Variants in SRP72 observed in about 807,000 individuals in gnomAD.
SRP72 encodes signal recognition particle subunit SRP72.
In SRP72, 49 loss-of-function variants were observed where a neutral mutation model predicts 96.3. The ratio of observed to expected loss-of-function variants is 0.51; its 90% CI spans 0.40 to 0.65. SRP72 has a LOEUF of 0.65. Among genes scored for constraint, SRP72 ranks in the 30% least tolerant of loss-of-function variants. The pLI is 0.00. For missense variants in SRP72, 736 were observed against 793.3 expected (o/e 0.93, Z 0.87); for synonymous variants, 267 against 275.2 (o/e 0.97, Z 0.30).
intron 18 of SRP72, among the ~76,000 whole-genome samples, chr4:56,501,412 CAG>C (rs1721257615): frequency 6.6e-6 from 1 of 151,096 alleles, no homozygotes; most frequent in Non-Finnish European, 1.5e-5. Flanking sequence ...GCCTGAGGGA[CAG>C]AGCAAGACTC....
At chr4:56,475,521 CACTGTATT>C (rs1176271809) in intron 5 of SRP72, among the ~76,000 whole-genome samples, 1 of 148,520 alleles carries the variant, frequency 6.7e-6, no homozygotes, top group African/African-American at 2.5e-5. Flanking sequence ...GAAATCATAC[CACTGTATT>C]CCAGCCTGGG....
rs1206757606 is a variant in SRP72, at chr4:56,478,649, G to T, written c.825G>T (p.Lys275Asn). The change falls in exon 8 of 19, where the codon AAG becomes AAT. Residue 275 changes from lysine (K) to asparagine (N), a missense_variant and splice_region_variant. Physicochemically the swap from Lys to Asn is moderately conservative, Grantham distance 94 (BLOSUM62 0). This residue lies in a region of SRP72 where 19 missense variants were observed against 42.5 expected (regional missense o/e 0.45). Transcript: ENST00000642900. Reference sequence around the variant, plus strand: ...CAAATAACATCATTACCATTAACAAGGTATGGAGTATTTGTGCTTTCCATA... The same window carrying T: ...CAAATAACATCATTACCATTAACAATGTATGGAGTATTTGTGCTTTCCATA... Reference protein sequence around the residue: ...VIANNIITINKDQNVFDSKKK... With the variant: ...VIANNIITINNDQNVFDSKKK... 6.2e-7 allele frequency: 1 copy of T among 1,613,112 alleles called. No individual in the cohort carries two copies. Among genetic ancestry groups the T allele is most frequent in the Admixed American group, 1.7e-5 (1 of 59,928 alleles).
Position 56,469,687 on chromosome 4 carries a change from G to T in SRP72, c.144G>T (p.Leu48=), listed in dbSNP as rs112496764. ...LQINKDDVTA[L]HCKVVCLIQN... ...TCAACAAAGATGACGTAACTGCCCT[G>T]CATTGTAAAGTGGTATGCCTTATCC... Residue 48 remains leucine (L), a synonymous_variant, in exon 2 of 19, where the codon CTG becomes CTT. Coordinates refer to ENST00000642900, the MANE Select transcript of SRP72 (RefSeq NM_006947.4). The T allele has an allele frequency of 2.3e-3, 3,749 of 1,611,544 alleles. 121 individuals carry two copies. The South Asian group carries it at 0.035, about 15-fold the overall frequency.
At chr4:56,471,078 A>C (rs1719955667) in intron 2 of SRP72, among the ~76,000 whole-genome samples, 1 of 152,230 alleles carries the variant, frequency 6.6e-6, no homozygotes, top group South Asian at 2.1e-4. Flanking sequence ...CTGGGATTAC[A>C]GGCATGAGCC....
chr4:56,474,718 A>G (rs1048151812), intron 5 of SRP72, among the ~76,000 whole-genome samples: 1 of 151,614 alleles, frequency 6.6e-6, no homozygotes, highest in Non-Finnish European at 1.5e-5. Context: ...TAATTTTTGT[A>G]TGTTTAGTAG....
chr4:56,472,196 A>T (rs556608811), intron 3 of SRP72, among the ~76,000 whole-genome samples: 5 of 152,316 alleles, frequency 3.3e-5, no homozygotes, highest in African/African-American at 1.2e-4. Flanking sequence ...GTCATGATAG[A>T]TAAGAATTTA....
rs930585862 is a variant in SRP72, at chr4:56,502,469, ATATATATATATATG to A, written c.*621_*634del. The A allele has an allele frequency of 2.9e-5, 3 of 104,856 alleles. No homozygotes were observed. The highest frequency in any genetic ancestry group is 8.7e-5 in the African/African-American group (2 of 23,028). The allele number at this position is 104,856 out of a possible 1,614,324, so 6.5% of individuals were successfully genotyped here. ...AATATGGGATACTTTTCATGTTTAT[ATATATATATATATG>A]TATATATATATACATATATATATAT... On this transcript the variant is annotated 3_prime_UTR_variant, in exon 19 of 19. Coordinates refer to ENST00000642900, the MANE Select transcript of SRP72 (RefSeq NM_006947.4).
intron 5 of SRP72, 115 bp downstream of exon 5, chr4:56,474,506 T>C (rs1022540477): frequency 3.4e-6 from 3 of 882,526 alleles, no homozygotes; most frequent in Non-Finnish European, 5.2e-6. Context: ...ATTGATGCAG[T>C]GACAATTTCT....
intron 10 of SRP72, among the ~76,000 whole-genome samples, chr4:56,485,894 T>G (rs1720693572): frequency 6.6e-6 from 1 of 152,200 alleles, no homozygotes; most frequent in Non-Finnish European, 1.5e-5. Flanking sequence ...CTAGATAATA[T>G]AACAACTATA....
rs1721267434 is a variant in SRP72, at chr4:56,501,717, C to T, written c.1872C>T (p.Thr624=). The change falls in exon 19 of 19, where the codon ACC becomes ACT. Residue 624 remains threonine, a synonymous_variant. Coordinates refer to ENST00000642900, the MANE Select transcript of SRP72 (RefSeq NM_006947.4). ...DASKTVSSPP[T]SPRPGSAATV... The stretch of plus-strand genomic sequence containing the variant: ...GTAAAACTGTGAGCAGCCCACCCAC[C>T]TCCCCAAGACCTGGCAGTGCTGCAA... 1.2e-6 allele frequency: 2 copies of T among 1,614,044 alleles called. No homozygotes were observed. The highest frequency in any genetic ancestry group is 2.2e-5 in the East Asian group (1 of 44,880).
At chr4:56,489,542 G>A (rs1720835299) in intron 13 of SRP72, 59 bp downstream of exon 13, 2 of 1,093,016 alleles carry the variant, frequency 1.8e-6, no homozygotes, top group Non-Finnish European at 1.3e-6. Flanking sequence ...TAAAGATGGA[G>A]TAGTGAAAAA....
intron 2 of SRP72, among the ~76,000 whole-genome samples, chr4:56,471,470 T>A (rs1372174150): frequency 2.0e-5 from 3 of 152,240 alleles, no homozygotes; most frequent in African/African-American, 7.2e-5. Context: ...CTTAAATGTT[T>A]ATTTCAAAAG....
chr4:56,491,283 G>T (rs1720895740), intron 15 of SRP72, 148 bp from the exon 16 acceptor site: 1 of 736,388 alleles, frequency 1.4e-6, no homozygotes. Flanking sequence ...TTATTGTATA[G>T]AAGATTTAGG....
At chr4:56,476,327 G>T (rs917467137) in intron 5 of SRP72, 1 of 266,658 alleles carries the variant, frequency 3.8e-6, no homozygotes, top group Non-Finnish European at 7.0e-6. Flanking sequence ...TAACTGAAAT[G>T]CTAGTAGTGT....
At chr4:56,498,387 C>T (rs1036327630) in intron 17 of SRP72, among the ~76,000 whole-genome samples, 1 of 152,170 alleles carries the variant, frequency 6.6e-6, no homozygotes, top group Non-Finnish European at 1.5e-5. Context: ...CCCTCTCTCA[C>T]CACTCCCATT....
At chr4:56,495,318 T>A in intron 16 of SRP72, 39 bp from the exon 17 acceptor site, 1 of 1,392,486 alleles carries the variant, frequency 7.2e-7, no homozygotes, top group Non-Finnish European at 9.9e-7. Context: ...ATAAATATTT[T>A]ATCACAAAGA....
rs753326486 is a variant in SRP72 at position 56,502,728 on chromosome 4, T to C, written c.*867T>C. The stretch of plus-strand genomic sequence containing the variant: ...AGAACATGAACATTGGCTTCCTCCA[T>C]AGAGAAGAAATCAGTATCTGAGTTG... On this transcript the variant is annotated 3_prime_UTR_variant, in exon 19 of 19. Transcript: ENST00000642900. 6.6e-6 allele frequency: 1 copy of C among 151,986 alleles called. No homozygotes were observed. Among genetic ancestry groups the C allele is most frequent in the Non-Finnish European group, 1.5e-5 (1 of 67,986 alleles). The allele number at this position is 151,986 out of a possible 1,614,324, so 9.4% of individuals were successfully genotyped here.
At position 56,502,478 on chromosome 4, in the gene SRP72, TATATGTATATATATATAC is replaced by T. The variant is rs1481908289; in HGVS notation, c.*622_*639del. On this transcript the variant is annotated 3_prime_UTR_variant, in exon 19 of 19. Coordinates refer to ENST00000642900, the MANE Select transcript of SRP72 (RefSeq NM_006947.4). ...TACTTTTCATGTTTATATATATATA[TATATGTATATATATATAC>T]ATATATATATATATATAAACATGAA... The T allele has an allele frequency of 1.3e-3, 132 of 102,690 alleles. No homozygotes were observed. The highest frequency in any genetic ancestry group is 1.4e-3 in the Non-Finnish European group (77 of 54,914). 6.4% of individuals were successfully genotyped at this position (102,690 alleles called of 1,614,324 possible).
At position 56,476,674 on chromosome 4, in the gene SRP72, T is replaced by G. The variant is rs775024629; in HGVS notation, c.614T>G (p.Leu205Arg). Reference sequence around the variant, plus strand: ...TAAAACAATTTTTCTCCTGTAGATCTTTGCCGCCGTTCATTATCAGAAGAC... The same window carrying G: ...TAAAACAATTTTTCTCCTGTAGATCGTTGCCGCCGTTCATTATCAGAAGAC... ...AMKILQKAED[L>R]CRRSLSEDTD... Residue 205 changes from leucine (L) to arginine (R), a missense_variant, in exon 6 of 19, where the codon CTT becomes CGT. Physicochemically the swap from Leu to Arg is moderately radical, Grantham distance 102 (BLOSUM62 -2). This residue lies in a region of SRP72 where 329 missense variants were observed against 319.0 expected (regional missense o/e 1.03). Transcript: ENST00000642900. 1 of 1,612,522 alleles carries G rather than the reference T, an allele frequency of 6.2e-7. No homozygotes were observed. The highest frequency in any genetic ancestry group is 1.1e-5 in the South Asian group (1 of 90,940).
Sources: gnomAD v4.1 joint callset for allele counts (sites outside exome capture counted in the v4.1 genomes callset) on GRCh38, gnomAD v4.1.1 for gene constraint, gnomAD v4.1.1 regional missense constraint, MANE v1.5 for transcripts, NCBI Gene and HGNC (gene_info 2026-07-23, HGNC 2026-07-21) for gene names.